The following BICC1 variants were observed in gnomAD, a reference collection of about 807,000 sequenced individuals.
BICC1 encodes the protein protein bicaudal C homolog 1.
A neutral mutation model predicts 111.0 loss-of-function variants in BICC1; 43 were observed. That is an observed-to-expected ratio of 0.39 (90% CI 0.30 to 0.50). The LOEUF (loss-of-function observed/expected upper bound fraction) is 0.50, where lower values mean the gene tolerates loss of function less well. Ranked by LOEUF, BICC1 falls within the 20% of genes least tolerant of loss-of-function variation. BICC1 has a pLI of 0.88. For synonymous variants in BICC1, 467 were observed against 434.4 expected (o/e 1.07, Z -0.93); for missense variants, 1,091 against 1,203.2 (o/e 0.91, Z 1.38).
chr10:58,738,143 T>G (rs1698692918), intron 3 of BICC1, among the ~76,000 whole-genome samples: 1 of 152,224 alleles, frequency 6.6e-6, no homozygotes, highest in Non-Finnish European at 1.5e-5. Context: ...TTTTGGTGTT[T>G]TAGACATGAA....
At chr10:58,778,676 G>A (rs766462988) in intron 3 of BICC1, among the ~76,000 whole-genome samples, 15 of 152,174 alleles carry the variant, frequency 9.9e-5, no homozygotes, top group Non-Finnish European at 1.9e-4. Context: ...GACCTACACA[G>A]TTCAAATCCA....
At chr10:58,739,672 A>T (rs574194229) in intron 3 of BICC1, among the ~76,000 whole-genome samples, 1 of 152,282 alleles carries the variant, frequency 6.6e-6, no homozygotes, top group East Asian at 1.9e-4. Context: ...TGTTGTTAGA[A>T]CCGATCTAAC....
chr10:58,656,476 C>A (rs561213978), intron 2 of BICC1, among the ~76,000 whole-genome samples: 1 of 150,050 alleles, frequency 6.7e-6, no homozygotes, highest in African/African-American at 2.5e-5. Flanking sequence ...ATGAATCCAG[C>A]AGCACATCAA....
intron 18 of BICC1, among the ~76,000 whole-genome samples, chr10:58,816,745 CTGTGTGTGTGTGTGTGTGTGTG>C (rs56310772): frequency 1.7e-4 from 21 of 122,162 alleles, no homozygotes; most frequent in South Asian, 3.3e-4. Context: ...ATCTCCAAGG[CTGTGTGTGTGTGTGTGTGTGTG>C]TGTGTGTGTG....
intron 1 of BICC1, among the ~76,000 whole-genome samples, chr10:58,609,790 A>C (rs187958283): frequency 6.6e-6 from 1 of 152,238 alleles, no homozygotes; most frequent in South Asian, 2.1e-4. Flanking sequence ...ACTGTGGTGT[A>C]TTAGGTATTC....
chr10:58,606,784 T>C (rs1291720807), intron 1 of BICC1, among the ~76,000 whole-genome samples: 1 of 152,210 alleles, frequency 6.6e-6, no homozygotes, highest in Non-Finnish European at 1.5e-5. Flanking sequence ...GAATTAGCTC[T>C]ACTAATATGG....
At chr10:58,653,181 G>A (rs1248620200) in intron 2 of BICC1, among the ~76,000 whole-genome samples, 1 of 152,112 alleles carries the variant, frequency 6.6e-6, no homozygotes, top group Non-Finnish European at 1.5e-5. Context: ...GATTTTGATG[G>A]TTTATGCTGC....
rs112075080 is a variant in BICC1, at chr10:58,542,075, C to T, written c.190+28742C>T. Among the ~76,000 whole-genome samples the T allele has an allele frequency of 4.7e-3, 670 of 142,494 alleles. 2 individuals are homozygous for T. The highest frequency in any genetic ancestry group is 0.015 in the African/African-American group (569 of 39,208). The allele number at this position is 142,494 out of a possible 152,430, so 93.5% of individuals were successfully genotyped here. On this transcript the variant is annotated intron_variant, in intron 1 of 20. Coordinates refer to ENST00000373886, the MANE Select transcript of BICC1 (RefSeq NM_001080512.3). ...CTAAGGTGGGAGAATTGCTTGAGTC[C>T]GGGAAGTTGAGGCAGCAGAGAGCTG...
At chr10:58,544,098 C>G (rs1843071840) in intron 1 of BICC1, among the ~76,000 whole-genome samples, 1 of 152,072 alleles carries the variant, frequency 6.6e-6, no homozygotes, top group South Asian at 2.1e-4. Flanking sequence ...ATGAGTATTT[C>G]CTTCTGAGAC....
chr10:58,719,718 C>T (rs1462892191), intron 3 of BICC1, among the ~76,000 whole-genome samples: 4 of 152,262 alleles, frequency 2.6e-5, no homozygotes, highest in African/African-American at 9.6e-5. Flanking sequence ...GTGCGCAGTG[C>T]CTGCCAGAAA....
At chr10:58,756,581 T>C (rs1842150316) in intron 3 of BICC1, among the ~76,000 whole-genome samples, 1 of 150,920 alleles carries the variant, frequency 6.6e-6, no homozygotes, top group African/African-American at 2.4e-5. Context: ...GGCTCGCACT[T>C]CTCAAGGAGT....
intron 1 of BICC1, among the ~76,000 whole-genome samples, chr10:58,595,628 C>T (rs530940620): frequency 1.3e-5 from 2 of 152,086 alleles, no homozygotes; most frequent in East Asian, 1.9e-4. Context: ...GGGTAAATAA[C>T]GAAATTAGGC....
upstream of BICC1, among the ~76,000 whole-genome samples, chr10:58,512,370 G>A (rs1279450236): frequency 1.3e-5 from 2 of 152,094 alleles, no homozygotes; most frequent in African/African-American, 2.4e-5. Context: ...TCTTCCTCAC[G>A]TTCGAGCTTG....
chr10:58,711,870 G>C (rs183762747), intron 3 of BICC1, among the ~76,000 whole-genome samples: 52 of 149,508 alleles, frequency 3.5e-4, no homozygotes, highest in Admixed American at 6.0e-4. Flanking sequence ...CAGTGGAATA[G>C]AGAGGTGAGA....
Position 58,799,200 on chromosome 10 carries a change from G to T in BICC1, c.1673G>T (p.Ser558Ile), listed in dbSNP as rs774034324. The T allele has an allele frequency of 6.2e-7, 1 of 1,613,522 alleles. No individual in the cohort carries two copies. The highest frequency in any genetic ancestry group is 1.1e-5 in the South Asian group (1 of 91,026). The part of the protein sequence containing the change: ...GLTPVDVHIN[S>I]MQTEGKKISA... ...ACTCCTGTTGATGTCCATATCAACA[G>T]TATGCAGACCGAAGGCAAAAAAATC... The change falls in exon 12 of 21, where the codon AGT becomes ATT. Residue 558 changes from serine (S) to isoleucine (I), a missense_variant. Coordinates refer to ENST00000373886, the MANE Select transcript of BICC1 (RefSeq NM_001080512.3).
At position 58,813,040 on chromosome 10, in the gene BICC1, G is replaced by T. The variant is rs141730989; in HGVS notation, c.2377-790G>T. 3.2e-3 allele frequency among the ~76,000 whole-genome samples: 493 copies of T among 152,164 alleles called. 1 individual carries two copies. The highest frequency in any genetic ancestry group is 0.014 in the Middle Eastern group (4 of 292). The stretch of plus-strand genomic sequence containing the variant: ...TAAAGAAAGAAATTTTTAAAGGAGG[G>T]CATAGTGAGCTGTCTTTATGCCATT... On this transcript the variant is annotated intron_variant, in intron 17 of 20. Coordinates refer to ENST00000373886, the MANE Select transcript of BICC1 (RefSeq NM_001080512.3).
intron 3 of BICC1, among the ~76,000 whole-genome samples, chr10:58,742,163 T>G (rs1841688175): frequency 6.6e-6 from 1 of 152,208 alleles, no homozygotes; most frequent in Non-Finnish European, 1.5e-5. Flanking sequence ...TGAAAACTTG[T>G]TTTTTTCCTA....
chr10:58,802,158 C>T (rs777007338), intron 14 of BICC1, among the ~76,000 whole-genome samples: 2 of 152,190 alleles, frequency 1.3e-5, no homozygotes, highest in African/African-American at 2.4e-5. Flanking sequence ...CTTTCCTTTA[C>T]TTATGCTCTT....
chr10:58,601,036 C>G (rs1373501270), intron 1 of BICC1, among the ~76,000 whole-genome samples: 1 of 150,382 alleles, frequency 6.6e-6, no homozygotes, highest in Non-Finnish European at 1.5e-5. Context: ...TTTTTTCTCA[C>G]AAATGGATAA....
Sources: gnomAD v4.1 joint callset for allele counts (sites outside exome capture counted in the v4.1 genomes callset) on GRCh38, gnomAD v4.1.1 for gene constraint, MANE v1.5 for transcripts, NCBI Gene and HGNC (gene_info 2026-07-23, HGNC 2026-07-21) for gene names.